Variants in RASA1 observed in about 807,000 individuals in gnomAD.
RASA1 encodes RAS p21 protein activator 1.
In RASA1, 25 loss-of-function variants were observed where a neutral mutation model predicts 132.2. The ratio of observed to expected loss-of-function variants is 0.19; its 90% CI spans 0.14 to 0.26. The LOEUF (loss-of-function observed/expected upper bound fraction) is 0.26. RASA1 is among the 10% of genes least tolerant of loss of function. The probability of loss-of-function intolerance (pLI) is 1.00; values close to 1 mark genes in which losing one functional copy is unlikely to be tolerated. For synonymous variants in RASA1, 477 were observed against 449.9 expected, an observed-to-expected ratio of 1.06 and a Z score of -0.76; for missense variants, 964 against 1,299.2, an observed-to-expected ratio of 0.74 and a Z score of 3.97.
intron 6 of RASA1, among the ~76,000 whole-genome samples, chr5:87,346,022 T>C (rs557760862): frequency 6.6e-6 from 1 of 152,268 alleles, no homozygotes; most frequent in South Asian, 2.1e-4. Context: ...GGTTATTGTA[T>C]GCTCTATGTC....
chr5:87,330,364 CTT>C (rs997027846), intron 1 of RASA1, among the ~76,000 whole-genome samples: 2 of 151,910 alleles, frequency 1.3e-5, no homozygotes, highest in African/African-American at 2.4e-5. Flanking sequence ...TACAAATAAA[CTT>C]TGGTAAAGCT....
rs530678098 is a variant in RASA1 at position 87,390,868 on chromosome 5, C to G, written c.3129C>G (p.Thr1043=). The G allele has an allele frequency of 6.2e-7, 1 of 1,612,054 alleles. No individual in the cohort carries two copies. Among genetic ancestry groups the G allele is most frequent in the African/African-American group, 1.3e-5 (1 of 74,972 alleles). The change falls in exon 25 of 25, where the codon ACC becomes ACG. Residue 1043 remains threonine, a synonymous_variant. Transcript: ENST00000274376. ...AAAAACAAAACCAGTATACAAAAAC[C>G]AATGATGTCAGGTAGCAGCCTTCGC... ...LQQKQNQYTK[T]NDVR is the part of the protein sequence containing the mutation.
intron 12 of RASA1, 63 bp from the exon 13 acceptor site, chr5:87,372,055 C>CAAAA: frequency 1.5e-6 from 2 of 1,350,720 alleles, no homozygotes; most frequent in Non-Finnish European, 2.0e-6. Context: ...AAAAACCTAA[C>CAAAA]TGATGATTTG....
intron 1 of RASA1, among the ~76,000 whole-genome samples, chr5:87,317,161 G>A (rs1029701982): frequency 2.6e-5 from 4 of 152,166 alleles, no homozygotes; most frequent in African/African-American, 9.7e-5. Context: ...GGGATTACAG[G>A]TGTGAGCCAC....
chr5:87,298,818 A>G (rs1044725344), intron 1 of RASA1, among the ~76,000 whole-genome samples: 2 of 152,232 alleles, frequency 1.3e-5, no homozygotes, highest in African/African-American at 4.8e-5. Flanking sequence ...TTTTGAACAA[A>G]GAGAGCGAAT....
chr5:87,335,418 G>C (rs1757893247), intron 4 of RASA1, among the ~76,000 whole-genome samples: 1 of 135,232 alleles, frequency 7.4e-6, no homozygotes, highest in African/African-American at 2.8e-5. Flanking sequence ...TAAAGAATGA[G>C]GTTTTTTTTT....
chr5:87,304,336 G>A (rs1755510392), intron 1 of RASA1, among the ~76,000 whole-genome samples: 1 of 152,064 alleles, frequency 6.6e-6, no homozygotes, highest in African/African-American at 2.4e-5. Context: ...ATTACAACAT[G>A]TATCATTGAC....
chr5:87,276,293 G>GA, intron 1 of RASA1, among the ~76,000 whole-genome samples: 1 of 152,294 alleles, frequency 6.6e-6, no homozygotes, highest in Middle Eastern at 3.4e-3. Flanking sequence ...CAAAAATACT[G>GA]AATACGGATG....
intron 1 of RASA1, among the ~76,000 whole-genome samples, chr5:87,301,801 A>G (rs1046714317): frequency 2.7e-5 from 4 of 148,194 alleles, no homozygotes; most frequent in Admixed American, 6.7e-5. Context: ...GGGATACTCA[A>G]CCTTTACTAT....
chr5:87,293,437 A>T (rs942352822), intron 1 of RASA1, among the ~76,000 whole-genome samples: 1 of 152,170 alleles, frequency 6.6e-6, no homozygotes, highest in South Asian at 2.1e-4. Flanking sequence ...AGTCTTGGTA[A>T]ATACTGCTTG....
intron 24 of RASA1, among the ~76,000 whole-genome samples, chr5:87,390,480 T>C (rs1013659138): frequency 6.6e-6 from 1 of 151,668 alleles, no homozygotes; most frequent in Non-Finnish European, 1.5e-5. Flanking sequence ...GCCTTAGATA[T>C]TAAATAAAAA....
intron 1 of RASA1, among the ~76,000 whole-genome samples, chr5:87,303,920 A>C (rs1310300384): frequency 6.9e-6 from 1 of 144,224 alleles, no homozygotes; most frequent in Non-Finnish European, 1.5e-5. Flanking sequence ...TGCAAACTGC[A>C]CCTCCTGGGT....
At chr5:87,331,099 A>G (rs1327191431) in intron 1 of RASA1, 2 of 903,676 alleles carry the variant, frequency 2.2e-6, no homozygotes, top group Non-Finnish European at 3.3e-6. Flanking sequence ...AGATGGGTAG[A>G]AATGGAAGAG....
rs138785106 is a variant in RASA1 at position 87,379,850 on chromosome 5, C to T, written c.2603C>T (p.Pro868Leu). The stretch of plus-strand genomic sequence containing the variant: ...TTCATGGCTTCAGAAATACTTCCAC[C>T]GTAAGTGGTGAAATTTTCATTTGAC... ...KIFMASEILPPTLRYIYGCLQ... is the reference protein window; with the variant it reads ...KIFMASEILPLTLRYIYGCLQ... Residue 868 changes from proline to leucine, a missense_variant and splice_region_variant, in exon 19 of 25, where the codon CCG becomes CTG. This residue lies in a region of RASA1 where 346 missense variants were observed against 520.1 expected (regional missense o/e 0.67). Coordinates refer to ENST00000274376, the MANE Select transcript of RASA1 (RefSeq NM_002890.3). 146 of 1,611,544 alleles carry T rather than the reference C, an allele frequency of 9.1e-5. No individual in the cohort carries two copies. Among genetic ancestry groups the T allele is most frequent in the African/African-American group, 1.5e-4 (11 of 74,926 alleles).
At chr5:87,272,610 G>A (rs966122550) in intron 1 of RASA1, among the ~76,000 whole-genome samples, 2 of 151,812 alleles carry the variant, frequency 1.3e-5, no homozygotes, top group Non-Finnish European at 2.9e-5. Flanking sequence ...GTAAGTGTTC[G>A]ATAAATACGT....
In RASA1 at chr5:87,307,919, T is replaced by G. The variant is rs577769190; in HGVS notation, c.540-23429T>G. ...TCATTTGCTGTAGAGGATGGACGGCTTAGCCACTCCTGTGTTAGGCAGATA... is the reference window on the plus strand; with the variant it reads ...TCATTTGCTGTAGAGGATGGACGGCGTAGCCACTCCTGTGTTAGGCAGATA... On this transcript the variant is annotated intron_variant, in intron 1 of 24. Coordinates refer to ENST00000274376, the MANE Select transcript of RASA1 (RefSeq NM_002890.3). Among the ~76,000 whole-genome samples the G allele has an allele frequency of 2.0e-5, 3 of 152,328 alleles. No homozygotes were observed. The South Asian group carries it at 6.2e-4, about 32-fold the overall frequency.
intron 1 of RASA1, among the ~76,000 whole-genome samples, chr5:87,271,496 T>TTTCGC (rs1753836601): frequency 7.3e-6 from 1 of 136,298 alleles, no homozygotes; most frequent in South Asian, 2.4e-4. Context: ...AGAGATGGAG[T>TTTCGC]TTCGCTGTTT....
At chr5:87,364,913 C>A (rs998650668) in intron 11 of RASA1, among the ~76,000 whole-genome samples, 3 of 152,108 alleles carry the variant, frequency 2.0e-5, no homozygotes, top group Non-Finnish European at 4.4e-5. Context: ...GTGCCTAGAT[C>A]TGTTGCTGGA....
chr5:87,345,622 A>G (rs1247823303), intron 6 of RASA1, among the ~76,000 whole-genome samples: 1 of 152,182 alleles, frequency 6.6e-6, no homozygotes, highest in East Asian at 1.9e-4. Context: ...ATGGTGTTAA[A>G]GAAAAGTTTA....
Sources: allele counts gnomAD v4.1 joint callset (sites outside exome capture counted in the v4.1 genomes callset), GRCh38; gene constraint gnomAD v4.1.1; regional missense constraint gnomAD v4.1.1; transcripts MANE v1.5; gene names NCBI Gene and HGNC (gene_info 2026-07-23, HGNC 2026-07-21).